The following ST3GAL2 variants were observed in gnomAD, a reference collection of about 807,000 sequenced individuals.
The protein encoded by ST3GAL2 is ST3 beta-galactoside alpha-2,3-sialyltransferase 2, also known as CMP-N-acetylneuraminate-beta-galactosamide-alpha-2,3-sialyltransferase 2.
Under a neutral mutation model 37.5 loss-of-function variants are expected in ST3GAL2, and 16 were observed. The ratio of observed to expected loss-of-function variants is 0.43; its 90% CI spans 0.29 to 0.65. The LOEUF is 0.65. Among genes scored for constraint, ST3GAL2 ranks in the 30% least tolerant of loss-of-function variants. ST3GAL2 has a pLI of 0.17. For synonymous variants in ST3GAL2, 238 were observed against 202.9 expected (o/e 1.17, Z -1.47); for missense variants, 383 against 487.8 (o/e 0.79, Z 2.02).
At chr16:70,438,798 G>C (rs2047845957) in intron 1 of ST3GAL2, among the ~76,000 whole-genome samples, 151 bp downstream of exon 1, 1 of 151,936 alleles carries the variant, frequency 6.6e-6, no homozygotes, top group Admixed American at 6.5e-5. Flanking sequence ...CCACACGAGG[G>C]AGCCCGGCGC....
intron 1 of ST3GAL2, among the ~76,000 whole-genome samples, chr16:70,415,368 T>A (rs1164212345): frequency 6.6e-6 from 1 of 152,210 alleles, no homozygotes; most frequent in Non-Finnish European, 1.5e-5. Context: ...CTTACTAGAT[T>A]ACAGCCCTCC....
intron 1 of ST3GAL2, among the ~76,000 whole-genome samples, chr16:70,435,094 A>AT (rs1463112931): frequency 1.3e-5 from 2 of 152,148 alleles, no homozygotes; most frequent in Admixed American, 6.6e-5. Flanking sequence ...ATTTGCTTCG[A>AT]TATCTTCACA....
chr16:70,379,991 T>A lies in ST3GAL2; in HGVS notation c.*1698A>T, dbSNP rs1456353228. On this transcript the variant is annotated 3_prime_UTR_variant, in exon 7 of 7. Coordinates refer to ENST00000342907, the MANE Select transcript of ST3GAL2 (RefSeq NM_006927.4). ...AAAAGAAATAAATTATTCTGCTCAA[T>A]ACTGTTTGGCATAATTGCATTGCTT... 6.6e-6 allele frequency: 1 copy of A among 152,186 alleles called. No individual in the cohort carries two copies. Among genetic ancestry groups the A allele is most frequent in the Non-Finnish European group, 1.5e-5 (1 of 68,058 alleles). 9.4% of individuals were successfully genotyped at this position (152,186 alleles called of 1,614,324 possible).
chr16:70,408,910 A>G (rs916149400), intron 1 of ST3GAL2, among the ~76,000 whole-genome samples: 21 of 117,666 alleles, frequency 1.8e-4, no homozygotes, highest in East Asian at 1.4e-3. Context: ...AAAAAAAAAA[A>G]AAAAAAAAAA....
chr16:70,386,477 C>G (rs2047444565), intron 4 of ST3GAL2, among the ~76,000 whole-genome samples: 1 of 151,998 alleles, frequency 6.6e-6, no homozygotes, highest in Non-Finnish European at 1.5e-5. Context: ...AGGCGTGACT[C>G]ACCACGCCTG....
At chr16:70,407,954 G>C (rs982316096) in intron 1 of ST3GAL2, among the ~76,000 whole-genome samples, 1 of 152,058 alleles carries the variant, frequency 6.6e-6, no homozygotes, top group Non-Finnish European at 1.5e-5. Context: ...TGGGGGGATG[G>C]GTGCTGCTTG....
intron 1 of ST3GAL2, among the ~76,000 whole-genome samples, chr16:70,416,242 T>C (rs2047676030): frequency 6.6e-6 from 1 of 152,218 alleles, no homozygotes; most frequent in South Asian, 2.1e-4. Context: ...CCCTTATTCA[T>C]GCAGCGAGGT....
chr16:70,398,455 A>G lies in ST3GAL2; in HGVS notation c.76T>C (p.Tyr26His). 6.2e-7 allele frequency: 1 copy of G among 1,613,656 alleles called. No individual in the cohort carries two copies. The highest frequency in any genetic ancestry group is 8.5e-7 in the Non-Finnish European group (1 of 1,180,000). ...LVFIMSLLFT[Y>H]SHHSMATLPY... is the part of the protein sequence containing the mutation. Reference sequence around the variant, plus strand: ...AGCGTGGCCATGCTGTGGTGCGAGTAGGTGAAGAGCAGGGACATGATGAAC... The same window carrying G: ...AGCGTGGCCATGCTGTGGTGCGAGTGGGTGAAGAGCAGGGACATGATGAAC... The change falls in exon 2 of 7, where the codon TAC becomes CAC. Residue 26 changes from tyrosine (Y) to histidine (H), a missense_variant. By Grantham distance (83) the Tyr-to-His change is moderately conservative. Coordinates refer to ENST00000342907, the MANE Select transcript of ST3GAL2 (RefSeq NM_006927.4).
rs545017833 is a variant in ST3GAL2 at position 70,431,245 on chromosome 16, C to T, written c.-1004+7704G>A. Among the ~76,000 whole-genome samples the T allele has an allele frequency of 1.3e-4, 20 of 152,332 alleles. No homozygotes were observed. In the East Asian group the frequency reaches 3.1e-3, roughly 24 times the overall value. On this transcript the variant is annotated intron_variant, in intron 1 of 6. Coordinates refer to ENST00000342907, the MANE Select transcript of ST3GAL2 (RefSeq NM_006927.4). ...CCACACAAATATCTTGTTGATTTTT[C>T]CACACCAAAGTAGTTCCCTGTAGAC...
intron 1 of ST3GAL2, among the ~76,000 whole-genome samples, chr16:70,409,718 G>A (rs2047622710): frequency 6.6e-6 from 1 of 151,650 alleles, no homozygotes; most frequent in Non-Finnish European, 1.5e-5. Flanking sequence ...ACAGTTGACT[G>A]TAGACTCGAC....
chr16:70,433,732 G>A (rs544510669), intron 1 of ST3GAL2, among the ~76,000 whole-genome samples: 55 of 152,310 alleles, frequency 3.6e-4, no homozygotes, highest in Non-Finnish European at 6.5e-4. Context: ...CCTGGGTCCT[G>A]AGTCATCACT....
chr16:70,438,231 C>T (rs565711437), intron 1 of ST3GAL2, among the ~76,000 whole-genome samples: 2 of 152,144 alleles, frequency 1.3e-5, no homozygotes, highest in African/African-American at 4.8e-5. Flanking sequence ...GTGAGCTCAG[C>T]CCAGAGCTGT....
intron 1 of ST3GAL2, among the ~76,000 whole-genome samples, chr16:70,434,796 G>T (rs1236819724): frequency 6.6e-6 from 1 of 152,226 alleles, no homozygotes; most frequent in African/African-American, 2.4e-5. Flanking sequence ...GTTGGCACTG[G>T]AATCAGGAGT....
At chr16:70,395,234 G>GGGA in intron 2 of ST3GAL2, 59 bp from the exon 3 acceptor site, 1 of 1,524,720 alleles carries the variant, frequency 6.6e-7, no homozygotes, top group Non-Finnish European at 8.8e-7. Context: ...GAAGAAGGAG[G>GGGA]GGCCCCGGCC....
intron 1 of ST3GAL2, among the ~76,000 whole-genome samples, chr16:70,410,977 C>G (rs543691230): frequency 6.6e-6 from 1 of 152,232 alleles, no homozygotes; most frequent in African/African-American, 2.4e-5. Context: ...CCAACCAGCG[C>G]CAACCACAGC....
intron 2 of ST3GAL2, among the ~76,000 whole-genome samples, chr16:70,397,971 G>A (rs2047528353): frequency 1.3e-5 from 2 of 152,216 alleles, no homozygotes; most frequent in Non-Finnish European, 2.9e-5. Context: ...CCTGGTCCAG[G>A]AGGCATTTCT....
intron 3 of ST3GAL2, among the ~76,000 whole-genome samples, chr16:70,391,652 G>C (rs950444056): frequency 9.2e-5 from 14 of 152,224 alleles, no homozygotes; most frequent in African/African-American, 3.1e-4. Flanking sequence ...GTCAGAGCCA[G>C]AAGTGTGTCT....
intron 1 of ST3GAL2, among the ~76,000 whole-genome samples, chr16:70,428,032 CA>C (rs1453084688): frequency 2.0e-5 from 3 of 152,216 alleles, no homozygotes; most frequent in African/African-American, 7.2e-5. Context: ...CGGAACTCCC[CA>C]AAGGCCCCAG....
intron 6 of ST3GAL2, 75 bp from the exon 7 acceptor site, chr16:70,381,937 GGGA>G (rs2047408931): frequency 1.3e-6 from 2 of 1,577,012 alleles, no homozygotes; most frequent in Non-Finnish European, 1.7e-6. Flanking sequence ...CGGGATGACA[GGGA>G]GGAGAGGGGA....
Sources: gnomAD v4.1 joint callset for allele counts (sites outside exome capture counted in the v4.1 genomes callset) on GRCh38, gnomAD v4.1.1 for gene constraint, MANE v1.5 for transcripts, NCBI Gene and HGNC (gene_info 2026-07-23, HGNC 2026-07-21) for gene names.